IFT81: variants seen among roughly 807,000 people sequenced by gnomAD.
IFT81 encodes the protein intraflagellar transport protein 81 homolog.
IFT81 carries 72 observed loss-of-function variants against 102.6 expected under a neutral mutation model. The observed-to-expected ratio is 0.70, with a 90% CI of 0.58 to 0.85. The LOEUF is 0.85. Among genes scored for constraint, IFT81 ranks in the 40% least tolerant of loss-of-function variants. The pLI, the probability that IFT81 is intolerant of heterozygous loss-of-function variation, is 0.00. For synonymous variants in IFT81, 237 were observed against 242.7 expected (o/e 0.98, Z 0.22); for missense variants, 723 against 787.3 (o/e 0.92, Z 0.98).
chr12:110,136,308 C>T (rs1229788504), intron 7 of IFT81, among the ~76,000 whole-genome samples: 1 of 152,190 alleles, frequency 6.6e-6, no homozygotes, highest in East Asian at 1.9e-4. Flanking sequence ...TCATTTACTA[C>T]TAAATCAGCA....
At chr12:110,206,094 C>T (rs1168365825) in intron 17 of IFT81, among the ~76,000 whole-genome samples, 1 of 152,158 alleles carries the variant, frequency 6.6e-6, no homozygotes, top group African/African-American at 2.4e-5. Flanking sequence ...TTCATAATTG[C>T]TTTGTCATAA....
In IFT81 at chr12:110,208,795, A is replaced by G. The variant is rs375030507; in HGVS notation, c.1803-376A>G. 2.2e-4 allele frequency among the ~76,000 whole-genome samples: 33 copies of G among 152,314 alleles called. No homozygotes were observed. The East Asian group carries it at 3.5e-3, about 16-fold the overall frequency. On this transcript the variant is annotated intron_variant, in intron 17 of 18. Coordinates refer to ENST00000242591, the MANE Select transcript of IFT81 (RefSeq NM_014055.4). ...CCTAGAAGTAGAATTGCAAGATTAC[A>G]TGCTACTTAATGTTTATTTAAAATG...
chr12:110,160,483 G>T (rs1896075760), intron 10 of IFT81, among the ~76,000 whole-genome samples: 1 of 152,206 alleles, frequency 6.6e-6, no homozygotes, highest in African/African-American at 2.4e-5. Context: ...AGTAGACTCA[G>T]CGAGCAAAGC....
chr12:110,163,303 G>T (rs1244924505), intron 11 of IFT81, among the ~76,000 whole-genome samples: 1 of 151,402 alleles, frequency 6.6e-6, no homozygotes, highest in African/African-American at 2.4e-5. Context: ...TGCAATGGCG[G>T]GATCTCTGCT....
intron 11 of IFT81, chr12:110,169,080 C>CCTTCCTCT (rs1486860230): frequency 1.8e-5 from 2 of 110,274 alleles, no homozygotes; most frequent in African/African-American, 6.5e-5. Flanking sequence ...TTCCTTCCTT[C>CCTTCCTCT]CTCTCTCTCT....
Position 110,191,766 on chromosome 12 carries a change from C to A in IFT81, c.1467+718C>A, listed in dbSNP as rs145391218. Reference sequence around the variant, plus strand: ...TCTTATATTACTTGTTGGTAAATAGCCGCCCCAAACCCTCAGAGTACCCCC... The same window carrying A: ...TCTTATATTACTTGTTGGTAAATAGACGCCCCAAACCCTCAGAGTACCCCC... On this transcript the variant is annotated intron_variant, in intron 13 of 18. Coordinates refer to ENST00000242591, the MANE Select transcript of IFT81 (RefSeq NM_014055.4). 4.5e-3 allele frequency among the ~76,000 whole-genome samples: 689 copies of A among 152,104 alleles called. 5 individuals are homozygous for A. The highest frequency in any genetic ancestry group is 0.016 in the African/African-American group (652 of 41,482).
chr12:110,215,432 TCTTCTCTTCTTCTTCTTCTTC>T (rs1566176913), intron 18 of IFT81, among the ~76,000 whole-genome samples: 9 of 150,330 alleles, frequency 6.0e-5, no homozygotes, highest in African/African-American at 2.2e-4. Context: ...CTTTTCTTTT[TCTTCTCTTCTTCTTCTTCTTC>T]TTTTTTTTTT....
intron 14 of IFT81, among the ~76,000 whole-genome samples, chr12:110,202,827 G>A (rs913776959): frequency 5.9e-5 from 9 of 152,136 alleles, no homozygotes; most frequent in Non-Finnish European, 1.2e-4. Flanking sequence ...GCATTATATG[G>A]TGGTATTAAT....
chr12:110,135,479 G>T, intron 7 of IFT81, 42 bp downstream of exon 7: 5 of 1,133,434 alleles, frequency 4.4e-6, no homozygotes, highest in Non-Finnish European at 6.5e-6. Context: ...GAAGGAAATA[G>T]TTCCTTCTCA....
At chr12:110,141,324 C>T (rs746368261) in intron 8 of IFT81, among the ~76,000 whole-genome samples, 1 of 152,196 alleles carries the variant, frequency 6.6e-6, no homozygotes, top group Non-Finnish European at 1.5e-5. Flanking sequence ...AGGTGTGAGA[C>T]ACCACGCCCA....
At chr12:110,126,031 C>A (rs866696953) in intron 1 of IFT81, among the ~76,000 whole-genome samples, 1 of 152,154 alleles carries the variant, frequency 6.6e-6, no homozygotes, top group African/African-American at 2.4e-5. Context: ...GTAATTCCAG[C>A]ACTTTGGGAG....
At chr12:110,207,559 T>TA (rs1222262930) in intron 17 of IFT81, among the ~76,000 whole-genome samples, 6 of 134,846 alleles carry the variant, frequency 4.4e-5, no homozygotes, top group African/African-American at 1.4e-4. Context: ...CTTCAGTCTT[T>TA]TTTTTTTTTT....
At chr12:110,125,469 A>ACTGCAACCTCCGCCTCC (rs1200205077) in intron 1 of IFT81, among the ~76,000 whole-genome samples, 4 of 152,176 alleles carry the variant, frequency 2.6e-5, no homozygotes, top group African/African-American at 9.7e-5. Flanking sequence ...ATCTCGGCTC[A>ACTGCAACCTCCGCCTCC]CTGCAACCTC....
intron 12 of IFT81, among the ~76,000 whole-genome samples, chr12:110,182,068 G>A (rs956013220): frequency 6.6e-6 from 1 of 152,158 alleles, no homozygotes; most frequent in African/African-American, 2.4e-5. Flanking sequence ...AACCTCTTAG[G>A]TGAGACACCT....
chr12:110,136,486 A>C (rs756895405), intron 7 of IFT81, among the ~76,000 whole-genome samples: 1 of 152,234 alleles, frequency 6.6e-6, no homozygotes, highest in Non-Finnish European at 1.5e-5. Context: ...ACCATGTATA[A>C]CAAGAAAAAT....
rs1895028040 is a variant in IFT81, at chr12:110,143,665, G to A, written c.945+120G>A. ...ACTCTTAAATTAACCTGTGCTAAGA[G>A]TTGACAACTCTTATGAGGAATTGTC... On this transcript the variant is annotated intron_variant, in intron 9 of 18. Coordinates refer to ENST00000242591, the MANE Select transcript of IFT81 (RefSeq NM_014055.4). 3.3e-5 allele frequency: 24 copies of A among 717,678 alleles called. No individual in the cohort carries two copies. The South Asian group carries it at 5.4e-4, about 16-fold the overall frequency. 44.5% of individuals were successfully genotyped at this position (717,678 alleles called of 1,614,324 possible). A position where few individuals can be genotyped will look rare whatever the true frequency, so the allele number is the denominator to read the frequency against.
intron 7 of IFT81, among the ~76,000 whole-genome samples, 153 bp downstream of exon 7, chr12:110,135,590 C>T (rs1894444597): frequency 2.6e-5 from 4 of 152,014 alleles, no homozygotes; most frequent in African/African-American, 4.8e-5. Context: ...TATTTCAGGC[C>T]GGGTGCAGTG....
chr12:110,136,739 A>T, intron 7 of IFT81, 37 bp from the exon 8 acceptor site: 2 of 1,286,636 alleles, frequency 1.6e-6, no homozygotes, highest in Non-Finnish European at 2.2e-6. Context: ...AAGCTTCAGT[A>T]GACTAAGCAA....
chr12:110,136,757 AT>A lies in IFT81; in HGVS notation c.697-16del. 3 of 1,530,358 alleles carry A rather than the reference AT, an allele frequency of 2.0e-6. No individual in the cohort carries two copies. The highest frequency in any genetic ancestry group is 1.8e-6 in the Non-Finnish European group (2 of 1,109,074). The allele number at this position is 1,530,358 out of a possible 1,614,324, so 94.8% of individuals were successfully genotyped here. ...CTTCAGTAGACTAAGCAAGTAATCT[AT>A]TTAATTGTATTTTAAAGCTATTTCA... On this transcript the variant is annotated intron_variant, in intron 7 of 18. Coordinates refer to ENST00000242591, the MANE Select transcript of IFT81 (RefSeq NM_014055.4).
Sources: allele counts gnomAD v4.1 joint callset (sites outside exome capture counted in the v4.1 genomes callset), GRCh38; gene constraint gnomAD v4.1.1; transcripts MANE v1.5; gene names NCBI Gene and HGNC (gene_info 2026-07-23, HGNC 2026-07-21).